Variants in ATAD3A observed in about 807,000 individuals in gnomAD.
The protein encoded by ATAD3A is ATPase family AAA domain containing 3A.
In ATAD3A, 46 loss-of-function variants were observed where a neutral mutation model predicts 73.8. The observed-to-expected ratio is 0.62, with a 90% CI of 0.49 to 0.80. The LOEUF (loss-of-function observed/expected upper bound fraction) is 0.80, where lower values mean the gene tolerates loss of function less well. Among genes scored for constraint, ATAD3A ranks in the 30% least tolerant of loss-of-function variants. The pLI, the probability that ATAD3A is intolerant of heterozygous loss-of-function variation, is 0.00. For missense variants in ATAD3A, 705 were observed against 838.0 expected (o/e 0.84, Z 1.96); for synonymous variants, 319 against 350.0 (o/e 0.91, Z 0.99).
Position 1,534,170 on chromosome 1 carries a change from G to T in ATAD3A, c.*98G>T, listed in dbSNP as rs1445720842. ...ACATTTAGGATATGCTCCTGGGTGG[G>T]GACTGGGCTGTGCCCAGGGCCTCTG... On this transcript the variant is annotated 3_prime_UTR_variant, in exon 16 of 16. Transcript: ENST00000378756. 1 of 1,593,628 alleles carries T rather than the reference G, an allele frequency of 6.3e-7. No homozygotes were observed. The highest frequency in any genetic ancestry group is 1.4e-5 in the African/African-American group (1 of 74,032).
chr1:1,520,016 G>C lies in ATAD3A; in HGVS notation c.515-125G>C. ...TGGCGTGGGCCGGTCCGTGGCATGG[G>C]CCTGTCTGTGGCGTTGGTCTGTCCG... On this transcript the variant is annotated intron_variant, in intron 5 of 15. Transcript: ENST00000378756. The surrounding 1 kb of genome is among the most constrained non-coding windows in gnomAD (Gnocchi z 4.0). The C allele has an allele frequency of 7.3e-7, 1 of 1,378,880 alleles. No individual in the cohort carries two copies. Among genetic ancestry groups the C allele is most frequent in the African/African-American group, 1.8e-5 (1 of 56,524 alleles). The allele number at this position is 1,378,880 out of a possible 1,614,324, so 85.4% of individuals were successfully genotyped here.
intron 14 of ATAD3A, among the ~76,000 whole-genome samples, chr1:1,528,962 C>T (rs1427463164): frequency 6.6e-6 from 1 of 152,266 alleles, no homozygotes; most frequent in Non-Finnish European, 1.5e-5. Context: ...GCCACCTGCC[C>T]TGCGGGTGCT....
chr1:1,525,599 A>G (rs1402046867), intron 12 of ATAD3A, among the ~76,000 whole-genome samples: 1 of 152,144 alleles, frequency 6.6e-6, no homozygotes, highest in Non-Finnish European at 1.5e-5. Context: ...TGTTTTTAGC[A>G]GAGACGGGGT....
intron 5 of ATAD3A, 103 bp downstream of exon 5, chr1:1,519,093 A>G: frequency 1.9e-6 from 3 of 1,601,858 alleles, no homozygotes; most frequent in Non-Finnish European, 1.7e-6. Context: ...CCTCATAGCT[A>G]CCAGTGCAGT....
At chr1:1,527,002 A>C (rs1202712196) in intron 13 of ATAD3A, among the ~76,000 whole-genome samples, 2 of 152,124 alleles carry the variant, frequency 1.3e-5, no homozygotes, top group Non-Finnish European at 2.9e-5. Context: ...ATGCTGGCCA[A>C]GGGTGCACCC....
intron 4 of ATAD3A, 111 bp from the exon 5 acceptor site, chr1:1,518,810 G>T (rs1424979615): frequency 6.3e-7 from 1 of 1,582,196 alleles, no homozygotes; most frequent in African/African-American, 1.4e-5. Context: ...GTCACACCCC[G>T]CAAACGGGCA....
At chr1:1,513,459 G>A (rs1206710565) in intron 1 of ATAD3A, among the ~76,000 whole-genome samples, 5 of 150,710 alleles carry the variant, frequency 3.3e-5, no homozygotes. Flanking sequence ...CAGTCCTGGC[G>A]GCCCCGGAGC....
chr1:1,516,941 A>C, intron 2 of ATAD3A: 1 of 687,676 alleles, frequency 1.5e-6, no homozygotes, highest in South Asian at 2.0e-5. Flanking sequence ...CGAACTACTA[A>C]CCTCAGTTGA....
Position 1,523,598 on chromosome 1 carries a change from G to A in ATAD3A, c.963+31G>A, listed in dbSNP as rs779195744. On this transcript the variant is annotated intron_variant, in intron 9 of 15. Transcript: ENST00000378756. This position sits in a 1 kb window ranked among gnomAD's most constrained non-coding sequence, Gnocchi z 5.1. The stretch of plus-strand genomic sequence containing the variant: ...TCGGTGTGCCTGGGACCGGGGAGGC[G>A]CAGGGAGGGGACCCTGGAGCTGGGC... 1.6e-5 allele frequency: 25 copies of A among 1,612,032 alleles called. No homozygotes were observed. Among genetic ancestry groups the A allele is most frequent in the Admixed American group, 1.2e-4 (7 of 59,918 alleles).
intron 7 of ATAD3A, among the ~76,000 whole-genome samples, chr1:1,522,079 G>T (rs544524445): frequency 1.3e-5 from 2 of 151,966 alleles, no homozygotes; most frequent in South Asian, 4.2e-4. Context: ...TGCTCTTGTT[G>T]CATAGGCTGG....
Position 1,533,985 on chromosome 1 carries a change from G to A in ATAD3A, c.1674G>A (p.Val558=), listed in dbSNP as rs960959252. The change falls in exon 16 of 16, where the codon GTG becomes GTA. Residue 558 remains valine (V), a synonymous_variant. Transcript: ENST00000378756. ...CCGAGGCCATGATGGACACCCGCGT[G>A]CAAGATGCTGTCCAGCAGCACCAGC... is the stretch of plus-strand genomic sequence containing the variant. ...VLTEAMMDTR[V]QDAVQQHQQK... 6.2e-7 allele frequency: 1 copy of A among 1,613,594 alleles called. No individual in the cohort carries two copies. The highest frequency in any genetic ancestry group is 1.7e-5 in the Admixed American group (1 of 60,022).
At chr1:1,533,848 C>T in intron 15 of ATAD3A, 78 bp from the exon 16 acceptor site, 2 of 1,530,526 alleles carry the variant, frequency 1.3e-6, no homozygotes, top group Admixed American at 2.0e-5. Context: ...TGGTCCCTCC[C>T]CACCTCGGGG....
chr1:1,522,430 C>T (rs1380743428), intron 7 of ATAD3A, among the ~76,000 whole-genome samples: 1 of 152,222 alleles, frequency 6.6e-6, no homozygotes, highest in Non-Finnish European at 1.5e-5. Context: ...CAAGAATGTA[C>T]CAGAGGGTGT....
At chr1:1,522,595 G>T (rs1641638107) in intron 7 of ATAD3A, 149 bp from the exon 8 acceptor site, 12 of 1,471,540 alleles carry the variant, frequency 8.2e-6, no homozygotes, top group East Asian at 2.4e-5. Flanking sequence ...TGGGATTCGG[G>T]GCCGGGAATT....
At chr1:1,521,895 A>G (rs1330280579) in intron 7 of ATAD3A, among the ~76,000 whole-genome samples, 2 of 151,716 alleles carry the variant, frequency 1.3e-5, no homozygotes, top group African/African-American at 4.8e-5. Flanking sequence ...GGCCCGGCCA[A>G]TTTTTGTATT....
intron 15 of ATAD3A, among the ~76,000 whole-genome samples, chr1:1,532,803 C>A (rs9439463): frequency 7.2e-5 from 11 of 152,072 alleles, no homozygotes; most frequent in Non-Finnish European, 1.2e-4. Flanking sequence ...AGTGGTGGTG[C>A]GGCTCTGGTC....
chr1:1,529,057 C>T (rs1321067376), intron 14 of ATAD3A, among the ~76,000 whole-genome samples, 166 bp from the exon 15 acceptor site: 2 of 152,246 alleles, frequency 1.3e-5, no homozygotes, highest in African/African-American at 4.8e-5. Context: ...TCAGTCCGGG[C>T]CTGGCCTGCA....
At chr1:1,521,416 T>C (rs1641595440) in intron 7 of ATAD3A, among the ~76,000 whole-genome samples, 1 of 151,096 alleles carries the variant, frequency 6.6e-6, no homozygotes, top group African/African-American at 2.4e-5. Flanking sequence ...GATTCTTCTC[T>C]CGTTTAAAGC....
chr1:1,533,164 C>G (rs1245791946), intron 15 of ATAD3A, among the ~76,000 whole-genome samples: 2 of 152,164 alleles, frequency 1.3e-5, no homozygotes, highest in Non-Finnish European at 2.9e-5. Context: ...GGCGAGGGAC[C>G]CACTCAGCTG....
Sources: allele counts gnomAD v4.1 joint callset (sites outside exome capture counted in the v4.1 genomes callset), GRCh38; gene constraint gnomAD v4.1.1; non-coding constraint Gnocchi (gnomAD v3.1); transcripts MANE v1.5; gene names NCBI Gene and HGNC (gene_info 2026-07-23, HGNC 2026-07-21).